The following OTOGL variants were observed in gnomAD, a reference collection of about 807,000 sequenced individuals.
OTOGL encodes otogelin-like protein.
In OTOGL, 285 loss-of-function variants were observed where a neutral mutation model predicts 318.5. The observed-to-expected ratio is 0.89, with a 90% CI of 0.81 to 0.99. The LOEUF is 0.99. Ranked by LOEUF, OTOGL falls within the 50% of genes least tolerant of loss-of-function variation. OTOGL has a pLI of 0.00. For synonymous variants in OTOGL, 987 were observed against 936.5 expected (o/e 1.05, Z -0.99); for missense variants, 2,899 against 2,845.6 (o/e 1.02, Z -0.43).
chr12:80,129,943 T>C (rs1356130298), intron 1 of OTOGL, among the ~76,000 whole-genome samples: 1 of 152,242 alleles, frequency 6.6e-6, no homozygotes, highest in African/African-American at 2.4e-5. Flanking sequence ...TTCTCTGTTT[T>C]GGTCATGGCT....
intron 11 of OTOGL, among the ~76,000 whole-genome samples, chr12:80,244,623 A>G (rs1880701602): frequency 1.3e-5 from 2 of 150,018 alleles, no homozygotes; most frequent in South Asian, 2.1e-4. Flanking sequence ...TAATGCTGCA[A>G]TAAACATATG....
At chr12:80,313,730 G>C in intron 31 of OTOGL, 98 bp downstream of exon 31, 2 of 1,040,506 alleles carry the variant, frequency 1.9e-6, no homozygotes, top group Non-Finnish European at 2.7e-6. Context: ...GAGACTCATG[G>C]GAATAGAATT....
At chr12:80,297,142 C>T (rs1419452315) in intron 27 of OTOGL, among the ~76,000 whole-genome samples, 181 bp downstream of exon 27, 1 of 152,026 alleles carries the variant, frequency 6.6e-6, no homozygotes, top group African/African-American at 2.4e-5. Context: ...TTCTTACTTC[C>T]CTTCTCCATC....
At chr12:80,173,829 C>T (rs760846420) in intron 1 of OTOGL, among the ~76,000 whole-genome samples, 4 of 152,050 alleles carry the variant, frequency 2.6e-5, no homozygotes, top group African/African-American at 7.2e-5. Flanking sequence ...TGAATAGGGG[C>T]GGTGATATTC....
At chr12:80,213,007 G>C (rs1053980286) in intron 4 of OTOGL, among the ~76,000 whole-genome samples, 1 of 152,168 alleles carries the variant, frequency 6.6e-6, no homozygotes, top group Non-Finnish European at 1.5e-5. Flanking sequence ...CAAGTCCACA[G>C]AGTAAAGTGA....
chr12:80,318,592 C>T lies in OTOGL; in HGVS notation c.3681C>T (p.Gly1227=), dbSNP rs746338783. 2 of 1,442,898 alleles carry T rather than the reference C, an allele frequency of 1.4e-6. No homozygotes were observed. Among genetic ancestry groups the T allele is most frequent in the Non-Finnish European group, 1.8e-6 (2 of 1,098,786 alleles). The allele number at this position is 1,442,898 out of a possible 1,614,324, so 89.4% of individuals were successfully genotyped here. A position where few individuals can be genotyped will look rare whatever the true frequency, so the allele number is the denominator to read the frequency against. Reference sequence around the variant, plus strand: ...TGCTGGCAAGCTATGGGCAGAGTGGCCTTGTTCTGGGGGCCAATATGACCA... The same window carrying T: ...TGCTGGCAAGCTATGGGCAGAGTGGTCTTGTTCTGGGGGCCAATATGACCA... ...PYMLASYGQS[G]LVLGANMTSR... is the part of the protein sequence containing the mutation. The change falls in exon 33 of 59, where the codon GGC becomes GGT. Residue 1227 remains glycine (G), a synonymous_variant. Transcript: ENST00000547103.
intron 27 of OTOGL, among the ~76,000 whole-genome samples, chr12:80,299,373 G>A (rs1018064397): frequency 6.6e-6 from 1 of 152,312 alleles, no homozygotes; most frequent in Non-Finnish European, 1.5e-5. Context: ...TATAAAGACA[G>A]TATGACACAT....
chr12:80,204,063 G>A (rs532729496), intron 1 of OTOGL, among the ~76,000 whole-genome samples: 1 of 152,274 alleles, frequency 6.6e-6, no homozygotes, highest in African/African-American at 2.4e-5. Flanking sequence ...TAACAATTTT[G>A]CATGTAACTC....
intron 38 of OTOGL, among the ~76,000 whole-genome samples, chr12:80,334,998 T>C (rs1466731516): frequency 2.0e-5 from 3 of 152,138 alleles, no homozygotes; most frequent in African/African-American, 7.2e-5. Context: ...ATTTAGAAAA[T>C]TAGTAATTTC....
chr12:80,201,362 G>A (rs1028633238), intron 1 of OTOGL, among the ~76,000 whole-genome samples: 1 of 152,158 alleles, frequency 6.6e-6, no homozygotes, highest in African/African-American at 2.4e-5. Context: ...TCCAATCATG[G>A]TGGAAGGTGT....
intron 22 of OTOGL, among the ~76,000 whole-genome samples, chr12:80,268,464 C>T (rs553382548): frequency 2.0e-5 from 3 of 152,106 alleles, no homozygotes; most frequent in Non-Finnish European, 4.4e-5. Context: ...CTACTTTGCT[C>T]TGCAGCTGAT....
At chr12:80,155,268 A>G (rs1873041391) in intron 1 of OTOGL, among the ~76,000 whole-genome samples, 1 of 152,172 alleles carries the variant, frequency 6.6e-6, no homozygotes, top group Non-Finnish European at 1.5e-5. Flanking sequence ...ACAGAGTAGA[A>G]GTTTTAAATT....
chr12:80,290,080 T>A (rs1470265165), intron 26 of OTOGL, among the ~76,000 whole-genome samples: 1 of 152,076 alleles, frequency 6.6e-6, no homozygotes, highest in Non-Finnish European at 1.5e-5. Flanking sequence ...CATGAGAAAA[T>A]CGTAGTATCT....
chr12:80,268,560 G>C (rs1426592541), intron 22 of OTOGL, among the ~76,000 whole-genome samples: 1 of 152,090 alleles, frequency 6.6e-6, no homozygotes, highest in Non-Finnish European at 1.5e-5. Context: ...TCAAGACACA[G>C]TGGCAACTAG....
At position 80,323,709 on chromosome 12, in the gene OTOGL, T is replaced by C; in HGVS notation, c.4082-14T>C. Reference sequence around the variant, plus strand: ...ATTAAATATGCACACAATCTAAACTTTATTTTTTCCCAGAAATCCAGGCAG... The same window carrying C: ...ATTAAATATGCACACAATCTAAACTCTATTTTTTCCCAGAAATCCAGGCAG... On this transcript the variant is annotated splice_polypyrimidine_tract_variant and intron_variant, in intron 34 of 58. Coordinates refer to ENST00000547103, the MANE Select transcript of OTOGL (RefSeq NM_001378609.3). The C allele has an allele frequency of 6.3e-7, 1 of 1,593,716 alleles. No homozygotes were observed. The highest frequency in any genetic ancestry group is 8.6e-7 in the Non-Finnish European group (1 of 1,162,248).
intron 11 of OTOGL, among the ~76,000 whole-genome samples, 169 bp downstream of exon 11, chr12:80,239,608 AT>A (rs1235061262): frequency 6.6e-6 from 1 of 152,108 alleles, no homozygotes; most frequent in East Asian, 1.9e-4. Flanking sequence ...TCACCGTCTA[AT>A]TTTTTTTATT....
chr12:80,269,989 A>G (rs560639889), intron 22 of OTOGL, 113 bp from the exon 23 acceptor site: 95 of 875,758 alleles, frequency 1.1e-4, no homozygotes, highest in Non-Finnish European at 1.6e-4. Context: ...GAAAAATAAC[A>G]TTTGTATAAT....
At position 80,271,688 on chromosome 12, in the gene OTOGL, G is replaced by T; in HGVS notation, c.2559G>T (p.Arg853Ser). 1 of 1,613,048 alleles carries T rather than the reference G, an allele frequency of 6.2e-7. No individual in the cohort carries two copies. The highest frequency in any genetic ancestry group is 1.3e-5 in the African/African-American group (1 of 74,938). Residue 853 changes from arginine (R) to serine (S), a missense_variant, in exon 24 of 59, where the codon AGG (arginine) becomes AGT (serine). This residue lies in a region of OTOGL where 2,607 missense variants were observed against 2,524.9 expected (regional missense o/e 1.03). Coordinates refer to ENST00000547103, the MANE Select transcript of OTOGL (RefSeq NM_001378609.3). ...AGGGAAAAGAGTATTTCGACTGCAG[G>T]TTTCCTGACCCTGAATTACCAGCTG... ...CPEGKEYFDC[R>S]FPDPELPAGG...
At chr12:80,327,330 G>C (rs534224115) in intron 35 of OTOGL, among the ~76,000 whole-genome samples, 2 of 152,142 alleles carry the variant, frequency 1.3e-5, no homozygotes, top group African/African-American at 4.8e-5. Context: ...CAAGGACCAG[G>C]GATTCTTACC....
Sources: gnomAD v4.1 joint callset for allele counts (sites outside exome capture counted in the v4.1 genomes callset) on GRCh38, gnomAD v4.1.1 for gene constraint, gnomAD v4.1.1 regional missense constraint, MANE v1.5 for transcripts, NCBI Gene and HGNC (gene_info 2026-07-23, HGNC 2026-07-21) for gene names.